The following PTPRN2 variants were observed in gnomAD, a reference collection of about 807,000 sequenced individuals.
PTPRN2 encodes protein tyrosine phosphatase receptor type N2, also known as receptor-type tyrosine-protein phosphatase N2.
Under a neutral mutation model 118.8 loss-of-function variants are expected in PTPRN2, and 74 were observed. The observed-to-expected ratio is 0.62, with a 90% CI of 0.52 to 0.76. PTPRN2 has a LOEUF of 0.76. PTPRN2 is among the 30% of genes least tolerant of loss of function. PTPRN2 has a pLI of 0.00. For synonymous variants in PTPRN2, 641 were observed against 608.0 expected (o/e 1.05, Z -0.80); for missense variants, 1,481 against 1,394.4 (o/e 1.06, Z -0.99).
rs1295452299 is a variant in PTPRN2, at chr7:158,517,812, T to G, written c.113-28027A>C. Among the ~76,000 whole-genome samples the G allele has an allele frequency of 6.6e-6, 1 of 151,600 alleles. No homozygotes were observed. Among genetic ancestry groups the G allele is most frequent in the Non-Finnish European group, 1.5e-5 (1 of 67,926 alleles). On this transcript the variant is annotated intron_variant, in intron 1 of 22. Transcript: ENST00000389418. This position sits in a 1 kb window ranked among gnomAD's most constrained non-coding sequence, Gnocchi z 5.3. ...AGCCAGGCAGGCCTCCCCAGGCACC[T>G]CCATCCCCTTCGTCACACATCCCAC...
At position 157,861,793 on chromosome 7, in the gene PTPRN2, C is replaced by T. The variant is rs533236808; in HGVS notation, c.1788+36880G>A. 1.6e-4 allele frequency among the ~76,000 whole-genome samples: 24 copies of T among 152,354 alleles called. No homozygotes were observed. The South Asian group carries it at 3.5e-3, about 22-fold the overall frequency. On this transcript the variant is annotated intron_variant, in intron 12 of 22. Transcript: ENST00000389418. This position sits in a 1 kb window ranked among gnomAD's most constrained non-coding sequence, Gnocchi z 5.8. ...CCCTCCTGCCTCCGAGCCACGCAGA[C>T]GGCTTCCCTCTGCATGCCGGAGTCT... is the stretch of plus-strand genomic sequence containing the variant.
At chr7:157,839,598 T>C (rs1260734959) in intron 12 of PTPRN2, among the ~76,000 whole-genome samples, 1 of 151,758 alleles carries the variant, frequency 6.6e-6, no homozygotes, top group Non-Finnish European at 1.5e-5. Flanking sequence ...TGTGGCTATG[T>C]GGAGTGCAAG....
At chr7:157,553,713 C>T (rs958241720) in intron 21 of PTPRN2, among the ~76,000 whole-genome samples, 4 of 152,262 alleles carry the variant, frequency 2.6e-5, no homozygotes, top group South Asian at 2.1e-4. Context: ...ACGGAGTTAA[C>T]GCTTAAAAAG....
At chr7:158,311,980 T>C (rs1801797509) in intron 3 of PTPRN2, among the ~76,000 whole-genome samples, 1 of 151,046 alleles carries the variant, frequency 6.6e-6, no homozygotes, top group Non-Finnish European at 1.5e-5. Flanking sequence ...TGCTCACATG[T>C]AGACACCCAC....
chr7:157,765,735 A>C (rs1585409461), intron 12 of PTPRN2, among the ~76,000 whole-genome samples: 2 of 122,714 alleles, frequency 1.6e-5, no homozygotes, highest in Admixed American at 8.6e-5. Context: ...TTCACCCTTC[A>C]CCCATCCATC....
intron 13 of PTPRN2, among the ~76,000 whole-genome samples, chr7:157,678,001 G>A (rs904728364): frequency 6.6e-6 from 1 of 152,136 alleles, no homozygotes; most frequent in Admixed American, 6.5e-5. Flanking sequence ...GTAGACATCT[G>A]TACTATCAGC....
At chr7:157,928,967 A>T (rs1367917335) in intron 11 of PTPRN2, among the ~76,000 whole-genome samples, 1 of 152,112 alleles carries the variant, frequency 6.6e-6, no homozygotes, top group East Asian at 1.9e-4. Context: ...GATGCTCAGA[A>T]TGCAGCCACC....
At chr7:158,449,026 A>C (rs1817919284) in intron 2 of PTPRN2, among the ~76,000 whole-genome samples, 1 of 152,174 alleles carries the variant, frequency 6.6e-6, no homozygotes. Flanking sequence ...GCACGTGCCC[A>C]CTCAGCTGGA....
intron 2 of PTPRN2, among the ~76,000 whole-genome samples, chr7:158,405,344 C>T (rs548137877): frequency 6.6e-6 from 1 of 152,314 alleles, no homozygotes; most frequent in Non-Finnish European, 1.5e-5. Flanking sequence ...TCTCTGAAAG[C>T]TTCGATGTTA....
rs575530258 is a variant in PTPRN2, at chr7:157,702,739, T to C, written c.1789-19802A>G. On this transcript the variant is annotated intron_variant, in intron 12 of 22. Coordinates refer to ENST00000389418, the MANE Select transcript of PTPRN2 (RefSeq NM_002847.5). Reference sequence around the variant, plus strand: ...TAAAAATGGATTTTTGCTAAATGAATACCACAACATATGCCACCAGAAAAG... The same window carrying C: ...TAAAAATGGATTTTTGCTAAATGAACACCACAACATATGCCACCAGAAAAG... Among the ~76,000 whole-genome samples the C allele has an allele frequency of 9.2e-5, 14 of 152,356 alleles. 1 individual carries two copies. In the South Asian group the frequency reaches 2.5e-3, roughly 27 times the overall value.
intron 4 of PTPRN2, among the ~76,000 whole-genome samples, chr7:158,197,313 T>C (rs900214875): frequency 5.9e-5 from 9 of 152,226 alleles, no homozygotes; most frequent in Admixed American, 5.9e-4. Context: ...TATGGGTCTT[T>C]AGTGTGATTT....
intron 11 of PTPRN2, among the ~76,000 whole-genome samples, chr7:158,062,508 G>A (rs1810421323): frequency 6.6e-6 from 1 of 152,216 alleles, no homozygotes; most frequent in Admixed American, 6.5e-5. Context: ...CTGCACCATG[G>A]GAGCCCCTCT....
At chr7:157,697,041 C>A (rs1414748092) in intron 12 of PTPRN2, among the ~76,000 whole-genome samples, 1 of 53,702 alleles carries the variant, frequency 1.9e-5, no homozygotes, top group Admixed American at 2.1e-4. Context: ...TGGCAGAGCC[C>A]TCACCATCTA....
intron 5 of PTPRN2, among the ~76,000 whole-genome samples, chr7:158,186,016 T>A (rs111391432): frequency 9.8e-5 from 2 of 20,416 alleles, no homozygotes; most frequent in African/African-American, 1.9e-4. Flanking sequence ...CTCCCAGCCC[T>A]CTCCCTCCTC....
intron 3 of PTPRN2, among the ~76,000 whole-genome samples, chr7:158,308,852 A>G (rs1267734678): frequency 6.6e-6 from 1 of 152,192 alleles, no homozygotes; most frequent in African/African-American, 2.4e-5. Context: ...ATAAGTAATC[A>G]TATGCCAACA....
chr7:157,657,592 CCA>C (rs145583807), intron 13 of PTPRN2, among the ~76,000 whole-genome samples: 657 of 57,790 alleles, frequency 0.011, 239 homozygotes, highest in Non-Finnish European at 0.032. Flanking sequence ...CACACATACA[CCA>C]CACACACACC....
At chr7:157,938,686 T>C (rs1156240001) in intron 11 of PTPRN2, among the ~76,000 whole-genome samples, 1 of 152,208 alleles carries the variant, frequency 6.6e-6, no homozygotes, top group Non-Finnish European at 1.5e-5. Context: ...ACTGATGAGA[T>C]TTGAGGAAGC....
intron 2 of PTPRN2, among the ~76,000 whole-genome samples, chr7:158,333,839 C>G (rs1805008347): frequency 6.8e-6 from 1 of 147,902 alleles, no homozygotes; most frequent in African/African-American, 2.5e-5. Flanking sequence ...CACACTCTCA[C>G]CATAGAGCTG....
At chr7:157,841,473 C>G (rs1003622532) in intron 12 of PTPRN2, among the ~76,000 whole-genome samples, 1 of 152,216 alleles carries the variant, frequency 6.6e-6, no homozygotes, top group Non-Finnish European at 1.5e-5. Flanking sequence ...CCCACCCCAC[C>G]CGCAGGTGAT....
Sources: gnomAD v4.1 joint callset for allele counts (sites outside exome capture counted in the v4.1 genomes callset) on GRCh38, gnomAD v4.1.1 for gene constraint, Gnocchi (gnomAD v3.1) non-coding constraint, MANE v1.5 for transcripts, NCBI Gene and HGNC (gene_info 2026-07-23, HGNC 2026-07-21) for gene names.